The following ANKS1B variants were observed in gnomAD, a reference collection of about 807,000 sequenced individuals.
ANKS1B encodes the protein ankyrin repeat and sterile alpha motif domain-containing protein 1B.
A neutral mutation model predicts 148.3 loss-of-function variants in ANKS1B; 36 were observed. The observed-to-expected ratio is 0.24, with a 90% CI of 0.19 to 0.32. The LOEUF is 0.32. ANKS1B is among the 10% of genes least tolerant of loss of function. The pLI is 1.00. For synonymous variants in ANKS1B, 542 were observed against 560.8 expected, an observed-to-expected ratio of 0.97 and a Z score of 0.47; for missense variants, 1,157 against 1,542.6, an observed-to-expected ratio of 0.75 and a Z score of 4.19.
At chr12:99,106,570 G>A (rs974317787) in intron 15 of ANKS1B, among the ~76,000 whole-genome samples, 3 of 152,186 alleles carry the variant, frequency 2.0e-5, no homozygotes, top group African/African-American at 7.2e-5. Context: ...TTCTAAAGGT[G>A]TCTTTTTTTA....
chr12:99,786,031 C>T (rs2064978750), intron 4 of ANKS1B, among the ~76,000 whole-genome samples: 1 of 152,010 alleles, frequency 6.6e-6, no homozygotes, highest in Non-Finnish European at 1.5e-5. Flanking sequence ...TTTATTTTTT[C>T]CCTTCCTTAA....
chr12:99,461,479 C>A (rs940960599), intron 10 of ANKS1B, among the ~76,000 whole-genome samples: 1 of 151,974 alleles, frequency 6.6e-6, no homozygotes, highest in African/African-American at 2.4e-5. Flanking sequence ...AATAAAATAT[C>A]ACAGTAGTTG....
chr12:99,782,336 G>C (rs1358647689), intron 4 of ANKS1B, among the ~76,000 whole-genome samples: 2 of 152,150 alleles, frequency 1.3e-5, no homozygotes, highest in African/African-American at 4.8e-5. Context: ...GAGGCGGATG[G>C]ATCACCTGAG....
chr12:99,377,040 G>A (rs921303095), intron 12 of ANKS1B, among the ~76,000 whole-genome samples: 5 of 149,596 alleles, frequency 3.3e-5, no homozygotes, highest in African/African-American at 9.9e-5. Flanking sequence ...ATGGAGTCTC[G>A]CTCTGTCGCC....
rs188975823 is a variant in ANKS1B, at chr12:99,857,152, A to G, written c.135-31763T>C. Among the ~76,000 whole-genome samples, 59 of 152,290 alleles carry G rather than the reference A, an allele frequency of 3.9e-4. No homozygotes were observed. The East Asian group carries it at 0.011, about 28-fold the overall frequency. On this transcript the variant is annotated intron_variant, in intron 1 of 26. Transcript: ENST00000683438. ...AGAAAACCTTAAGACTAATCTAGAA[A>G]GCTCCTAGAACTGGTAAATGAATTC...
chr12:99,735,464 T>C (rs2059526471), intron 8 of ANKS1B, among the ~76,000 whole-genome samples: 1 of 151,966 alleles, frequency 6.6e-6, no homozygotes, highest in African/African-American at 2.4e-5. Context: ...CAAAATATCA[T>C]CAGAGACTAT....
At chr12:99,098,442 C>G (rs2056908704) in intron 15 of ANKS1B, among the ~76,000 whole-genome samples, 2 of 152,142 alleles carry the variant, frequency 1.3e-5, no homozygotes, top group Non-Finnish European at 2.9e-5. Flanking sequence ...GTTCACCTTA[C>G]AGCTCTGCAC....
At chr12:99,740,895 T>A (rs1256271388) in intron 8 of ANKS1B, among the ~76,000 whole-genome samples, 2 of 152,066 alleles carry the variant, frequency 1.3e-5, no homozygotes, top group Non-Finnish European at 2.9e-5. Context: ...CCACTGTTTT[T>A]ACAACCCACA....
At chr12:98,840,747 A>G (rs558451430) in intron 17 of ANKS1B, among the ~76,000 whole-genome samples, 1 of 152,332 alleles carries the variant, frequency 6.6e-6, no homozygotes, top group South Asian at 2.1e-4. Flanking sequence ...ACATTGCTTC[A>G]GAAGATTAAA....
chr12:99,885,368 T>C (rs1410025187), intron 1 of ANKS1B, among the ~76,000 whole-genome samples: 8 of 150,602 alleles, frequency 5.3e-5, no homozygotes, highest in Non-Finnish European at 1.5e-5. Flanking sequence ...TGGCCCGATC[T>C]TGGCTCACTG....
intron 1 of ANKS1B, among the ~76,000 whole-genome samples, chr12:99,977,673 G>C (rs1361600731): frequency 6.6e-6 from 1 of 152,158 alleles, no homozygotes; most frequent in Admixed American, 6.5e-5. Context: ...CTTAAGAAAA[G>C]TTTCTAGATC....
At chr12:99,758,993 A>C (rs770461927) in intron 8 of ANKS1B, among the ~76,000 whole-genome samples, 6 of 151,900 alleles carry the variant, frequency 3.9e-5, no homozygotes, top group Non-Finnish European at 5.9e-5. Context: ...TGTCTCATTT[A>C]TTCTGAGGGC....
At chr12:99,425,994 G>A (rs2095246775) in intron 11 of ANKS1B, among the ~76,000 whole-genome samples, 1 of 152,070 alleles carries the variant, frequency 6.6e-6, no homozygotes, top group Non-Finnish European at 1.5e-5. Flanking sequence ...GTAAGATTAT[G>A]TTCGAAATAT....
chr12:99,792,630 G>A lies in ANKS1B; in HGVS notation c.670-10533C>T, dbSNP rs115337750. 3.2e-3 allele frequency among the ~76,000 whole-genome samples: 484 copies of A among 151,932 alleles called. 1 individual carries two copies. Among genetic ancestry groups the A allele is most frequent in the African/African-American group, 0.011 (458 of 41,502 alleles). On this transcript the variant is annotated intron_variant, in intron 4 of 26. Coordinates refer to ENST00000683438, the MANE Select transcript of ANKS1B (RefSeq NM_001352186.2). ...AAAAAACATTATCATTTTGACTAAT[G>A]CTGAAAACATATTTGATGCAGTCCA...
At chr12:99,803,293 AG>A (rs1157134232) in intron 4 of ANKS1B, among the ~76,000 whole-genome samples, 1 of 140,096 alleles carries the variant, frequency 7.1e-6, no homozygotes, top group African/African-American at 2.6e-5. Flanking sequence ...CCAAAAAAAA[AG>A]GCAATGAGAC....
intron 10 of ANKS1B, among the ~76,000 whole-genome samples, chr12:99,479,401 C>T (rs560973869): frequency 6.6e-6 from 1 of 152,068 alleles, no homozygotes; most frequent in South Asian, 2.1e-4. Flanking sequence ...AATTTTAAAA[C>T]AGCTCTAAAT....
intron 8 of ANKS1B, among the ~76,000 whole-genome samples, chr12:99,761,118 C>T (rs2062069350): frequency 6.8e-6 from 1 of 146,260 alleles, no homozygotes; most frequent in South Asian, 2.2e-4. Context: ...TGAATTCTAC[C>T]AGACATACAA....
intron 11 of ANKS1B, among the ~76,000 whole-genome samples, chr12:99,415,521 T>G (rs2152691042): frequency 6.6e-6 from 1 of 152,364 alleles, no homozygotes; most frequent in Admixed American, 6.5e-5. Context: ...ATTAAATTTT[T>G]TATTTTCAAT....
chr12:99,439,800 A>G (rs934730419), intron 11 of ANKS1B, among the ~76,000 whole-genome samples: 2 of 151,762 alleles, frequency 1.3e-5, no homozygotes, highest in African/African-American at 4.8e-5. Context: ...TTATTTATCT[A>G]TATGAAAACA....
Sources: allele counts gnomAD v4.1 joint callset (sites outside exome capture counted in the v4.1 genomes callset), GRCh38; gene constraint gnomAD v4.1.1; transcripts MANE v1.5; gene names NCBI Gene and HGNC (gene_info 2026-07-23, HGNC 2026-07-21).